Variants in SLC44A1 observed in about 807,000 individuals in gnomAD.
SLC44A1 encodes the protein solute carrier family 44 member 1.
A neutral mutation model predicts 79.3 loss-of-function variants in SLC44A1; 26 were observed. The ratio of observed to expected loss-of-function variants is 0.33; its 90% CI spans 0.24 to 0.46. SLC44A1 has a LOEUF of 0.46. Ranked by LOEUF, SLC44A1 falls within the 20% of genes least tolerant of loss-of-function variation. SLC44A1 has a pLI of 1.00. For missense variants in SLC44A1, 688 were observed against 798.1 expected, an observed-to-expected ratio of 0.86 and a Z score of 1.66; for synonymous variants, 263 against 286.2, an observed-to-expected ratio of 0.92 and a Z score of 0.82.
chr9:105,371,798 A>C (rs1365191050), intron 12 of SLC44A1, among the ~76,000 whole-genome samples: 1 of 147,536 alleles, frequency 6.8e-6, no homozygotes, highest in African/African-American at 2.7e-5. Flanking sequence ...CCTGCTATAG[A>C]ATAAATTGTT....
rs1443489989 is a variant in SLC44A1, at chr9:105,336,101, AAT to A, written c.406+410_406+411del. ...TGAAATAAGTTTTATATGTTGAAACAATATATATACATACATATGTGTGTGTG... is the reference window on the plus strand; with the variant it reads ...TGAAATAAGTTTTATATGTTGAAACAATATATACATACATATGTGTGTGTG... On this transcript the variant is annotated intron_variant, in intron 4 of 15. Transcript: ENST00000374720. Among the ~76,000 whole-genome samples the A allele has an allele frequency of 4.0e-5, 6 of 151,494 alleles. No homozygotes were observed. In the East Asian group the frequency reaches 1.2e-3, roughly 29 times the overall value.
chr9:105,345,304 A>G (rs927371406), intron 4 of SLC44A1, among the ~76,000 whole-genome samples: 5 of 152,214 alleles, frequency 3.3e-5, no homozygotes, highest in Admixed American at 6.5e-5. Context: ...AGATAAAAAA[A>G]TGTAGGATAA....
chr9:105,358,270 C>A, intron 6 of SLC44A1, 74 bp from the exon 7 acceptor site: 2 of 847,336 alleles, frequency 2.4e-6, no homozygotes, highest in Non-Finnish European at 3.8e-6. Flanking sequence ...AAAAAGCAAC[C>A]ATTTAAAGCG....
chr9:105,416,607 A>G (rs1478419424), intron 15 of SLC44A1, among the ~76,000 whole-genome samples: 1 of 152,218 alleles, frequency 6.6e-6, no homozygotes, highest in Admixed American at 6.5e-5. Context: ...GTGCTAAGGC[A>G]TAAAGGTGTG....
chr9:105,264,970 A>G (rs1829926641), intron 1 of SLC44A1, among the ~76,000 whole-genome samples: 1 of 151,814 alleles, frequency 6.6e-6, no homozygotes, highest in Admixed American at 6.6e-5. Context: ...CTAATTTTGT[A>G]TTTTTAGTAG....
At chr9:105,282,760 G>T (rs1412028727) in intron 1 of SLC44A1, among the ~76,000 whole-genome samples, 1 of 152,076 alleles carries the variant, frequency 6.6e-6, no homozygotes, top group Non-Finnish European at 1.5e-5. Flanking sequence ...TGTTGGCCAG[G>T]CTGGTCTTGA....
chr9:105,357,567 A>G (rs1051641764), intron 6 of SLC44A1, among the ~76,000 whole-genome samples: 1 of 152,158 alleles, frequency 6.6e-6, no homozygotes, highest in African/African-American at 2.4e-5. Flanking sequence ...ATAAATTATT[A>G]TTTCAGAAAC....
chr9:105,377,668 C>T lies in SLC44A1; in HGVS notation c.1632+2933C>T, dbSNP rs540189785. ...GTCCCAGCTACTTGGGAGGCTGAGGCGGAGAATCGCTTGAACCCAGGAGGC... is the reference window on the plus strand; with the variant it reads ...GTCCCAGCTACTTGGGAGGCTGAGGTGGAGAATCGCTTGAACCCAGGAGGC... On this transcript the variant is annotated intron_variant, in intron 13 of 15. Coordinates refer to ENST00000374720, the MANE Select transcript of SLC44A1 (RefSeq NM_080546.5). 4.0e-5 allele frequency among the ~76,000 whole-genome samples: 6 copies of T among 150,638 alleles called. No homozygotes were observed. The East Asian group carries it at 5.9e-4, about 15-fold the overall frequency.
At position 105,392,129 on chromosome 9, in the gene SLC44A1, G is replaced by A. The variant is rs1407227355; in HGVS notation, c.*3073G>A. 1 of 985,278 alleles carries A rather than the reference G, an allele frequency of 1.0e-6. No homozygotes were observed. The highest frequency in any genetic ancestry group is 1.2e-6 in the Non-Finnish European group (1 of 829,918). The allele number at this position is 985,278 out of a possible 1,614,324, so 61.0% of individuals were successfully genotyped here. ...ATAAAACATTAGCAATTTAGCTAGA[G>A]CACTGAGATTGTATAATCCTTGCAT... On this transcript the variant is annotated 3_prime_UTR_variant, in exon 16 of 16. Coordinates refer to ENST00000374720, the MANE Select transcript of SLC44A1 (RefSeq NM_080546.5).
intron 12 of SLC44A1, among the ~76,000 whole-genome samples, chr9:105,369,676 T>C (rs2131429165): frequency 6.6e-6 from 1 of 152,330 alleles, no homozygotes; most frequent in African/African-American, 2.4e-5. Context: ...TCCCTTAGCA[T>C]TATTGTGTAG....
intron 1 of SLC44A1, 24 bp from the exon 2 acceptor site, chr9:105,299,196 C>G: frequency 6.4e-7 from 1 of 1,551,062 alleles, no homozygotes; most frequent in East Asian, 2.3e-5. Context: ...ATTTAACACT[C>G]TCTTATTTTG....
intron 12 of SLC44A1, among the ~76,000 whole-genome samples, chr9:105,370,586 GAAT>G (rs1236783475): frequency 6.6e-6 from 1 of 152,012 alleles, no homozygotes; most frequent in Non-Finnish European, 1.5e-5. Context: ...AGCAAAAGAG[GAAT>G]AATAATAATT....
chr9:105,296,496 A>T (rs918067217), intron 1 of SLC44A1, among the ~76,000 whole-genome samples: 1 of 152,246 alleles, frequency 6.6e-6, no homozygotes, highest in Non-Finnish European at 1.5e-5. Flanking sequence ...AAAAATACTA[A>T]GAAAATAGTT....
chr9:105,292,339 T>C (rs1830620768), intron 1 of SLC44A1, among the ~76,000 whole-genome samples: 1 of 152,204 alleles, frequency 6.6e-6, no homozygotes, highest in African/African-American at 2.4e-5. Flanking sequence ...ACACAATAAG[T>C]GTCAGAAAAC....
At chr9:105,412,689 C>T (rs1366898938) in intron 15 of SLC44A1, among the ~76,000 whole-genome samples, 1 of 152,084 alleles carries the variant, frequency 6.6e-6, no homozygotes, top group Non-Finnish European at 1.5e-5. Context: ...GCAACCTCCG[C>T]CCCCTGGGTT....
intron 3 of SLC44A1, among the ~76,000 whole-genome samples, chr9:105,330,989 T>C (rs1187795753): frequency 1.3e-5 from 2 of 152,242 alleles, no homozygotes; most frequent in Non-Finnish European, 2.9e-5. Context: ...GTGCATATTG[T>C]ATATGCCAAT....
At chr9:105,383,452 T>A (rs1828539091) in intron 14 of SLC44A1, 93 bp downstream of exon 14, 1 of 734,990 alleles carries the variant, frequency 1.4e-6, no homozygotes, top group East Asian at 2.7e-5. Flanking sequence ...TCACACTATA[T>A]GCAACTGAGT....
At chr9:105,435,884 C>A (rs1829457813) in intron 15 of SLC44A1, among the ~76,000 whole-genome samples, 1 of 152,152 alleles carries the variant, frequency 6.6e-6, no homozygotes, top group Non-Finnish European at 1.5e-5. Flanking sequence ...TTCTGTAAAC[C>A]TAAAACTATT....
chr9:105,254,131 G>C (rs1182716594), intron 1 of SLC44A1, among the ~76,000 whole-genome samples: 2 of 152,208 alleles, frequency 1.3e-5, no homozygotes, highest in Non-Finnish European at 2.9e-5. Flanking sequence ...AGGTCAAGGG[G>C]TAGGGTAGCT....
Sources: gnomAD v4.1 joint callset for allele counts (sites outside exome capture counted in the v4.1 genomes callset) on GRCh38, gnomAD v4.1.1 for gene constraint, MANE v1.5 for transcripts, NCBI Gene and HGNC (gene_info 2026-07-23, HGNC 2026-07-21) for gene names.